The following TCF12 variants were observed in gnomAD, a reference collection of about 807,000 sequenced individuals.
TCF12 encodes the protein transcription factor 12.
A neutral mutation model predicts 86.0 loss-of-function variants in TCF12; 45 were observed. The observed-to-expected ratio is 0.52, with a 90% CI of 0.41 to 0.67. The LOEUF is 0.67. TCF12 is among the 30% of genes least tolerant of loss of function. The pLI is 0.00. For missense variants in TCF12, 881 were observed against 859.9 expected (o/e 1.02, Z -0.31); for synonymous variants, 330 against 299.6 (o/e 1.10, Z -1.05).
intron 3 of TCF12, among the ~76,000 whole-genome samples, chr15:56,934,380 G>A (rs2060377110): frequency 6.6e-6 from 1 of 152,212 alleles, no homozygotes; most frequent in South Asian, 2.1e-4. Context: ...ATACTCCTGA[G>A]TGAGGAGGAG....
chr15:57,028,798 G>A (rs2065972330), intron 3 of TCF12, among the ~76,000 whole-genome samples: 1 of 151,646 alleles, frequency 6.6e-6, no homozygotes, highest in Non-Finnish European at 1.5e-5. Flanking sequence ...TTTATATGTA[G>A]TCCTTTTTTT....
intron 2 of TCF12, 102 bp downstream of exon 2, chr15:56,920,090 C>A: frequency 7.6e-7 from 1 of 1,308,792 alleles, no homozygotes; most frequent in Non-Finnish European, 1.1e-6. Context: ...AACGTGGAGA[C>A]TAGGCAGCGT....
At chr15:57,255,445 CAGA>C (rs1301234336) in intron 16 of TCF12, among the ~76,000 whole-genome samples, 1 of 152,134 alleles carries the variant, frequency 6.6e-6, no homozygotes, top group Non-Finnish European at 1.5e-5. Context: ...AGAACAACAA[CAGA>C]AGGTCTGCCA....
chr15:56,940,744 CCTCCTT>C (rs72073466), intron 3 of TCF12, among the ~76,000 whole-genome samples: 26,367 of 116,696 alleles, frequency 0.23, 3,689 homozygotes, highest in East Asian at 0.41. Context: ...CCCCCCTTCT[CCTCCTT>C]CTCCTTCTCC....
intron 3 of TCF12, among the ~76,000 whole-genome samples, chr15:56,934,539 G>A (rs1349830223): frequency 1.3e-5 from 2 of 152,084 alleles, no homozygotes; most frequent in Non-Finnish European, 2.9e-5. Flanking sequence ...CTGGTTCTTC[G>A]TGATTAGGAC....
intron 3 of TCF12, among the ~76,000 whole-genome samples, chr15:57,059,655 C>A (rs951652293): frequency 6.7e-6 from 1 of 148,292 alleles, no homozygotes; most frequent in Non-Finnish European, 1.5e-5. Context: ...GCCTAAGTCT[C>A]ACCAATTCTT....
intron 5 of TCF12, among the ~76,000 whole-genome samples, chr15:57,108,680 G>T (rs1422729583): frequency 6.6e-6 from 1 of 151,724 alleles, no homozygotes; most frequent in Non-Finnish European, 1.5e-5. Flanking sequence ...GGACATTGTT[G>T]GGGGGTAGGA....
intron 14 of TCF12, 40 bp from the exon 15 acceptor site, chr15:57,252,381 A>T (rs779928342): frequency 6.5e-7 from 1 of 1,541,330 alleles, no homozygotes; most frequent in East Asian, 2.3e-5. Context: ...AGTTAATCTT[A>T]ACCTGTGCTT....
chr15:56,962,252 TAGTA>T (rs1595873628), intron 3 of TCF12, among the ~76,000 whole-genome samples: 1 of 152,208 alleles, frequency 6.6e-6, no homozygotes, highest in African/African-American at 2.4e-5. Flanking sequence ...CTTTACTACT[TAGTA>T]AGGTGTGAAA....
intron 3 of TCF12, among the ~76,000 whole-genome samples, chr15:56,999,064 G>T (rs2063871089): frequency 6.6e-6 from 1 of 152,188 alleles, no homozygotes; most frequent in Admixed American, 6.5e-5. Flanking sequence ...TGGGCGTGGT[G>T]GCGGGCGCCT....
intron 3 of TCF12, among the ~76,000 whole-genome samples, chr15:57,062,852 A>G (rs2068568977): frequency 6.6e-6 from 1 of 152,234 alleles, no homozygotes; most frequent in Non-Finnish European, 1.5e-5. Context: ...GATGAATTTC[A>G]TCATAGAATG....
chr15:57,166,618 A>T, intron 6 of TCF12, 152 bp downstream of exon 6: 1 of 586,386 alleles, frequency 1.7e-6, no homozygotes, highest in Non-Finnish European at 2.7e-6. Context: ...TTTGCTTAAA[A>T]TTGTTTCAGT....
chr15:57,236,721 T>C (rs538052625), intron 12 of TCF12, among the ~76,000 whole-genome samples: 5 of 152,236 alleles, frequency 3.3e-5, no homozygotes, highest in Admixed American at 3.3e-4. Flanking sequence ...TCCTTTATTT[T>C]AGGTTTAAGC....
chr15:57,174,338 C>G (rs1362090412), intron 6 of TCF12, among the ~76,000 whole-genome samples: 1 of 152,014 alleles, frequency 6.6e-6, no homozygotes, highest in African/African-American at 2.4e-5. Flanking sequence ...TCCATAGATA[C>G]AGAAAAGATA....
chr15:57,151,037 G>A (rs1398996736), intron 5 of TCF12, among the ~76,000 whole-genome samples: 1 of 151,344 alleles, frequency 6.6e-6, no homozygotes, highest in Admixed American at 6.6e-5. Flanking sequence ...AGGGTGCAGT[G>A]GAGCGATCAT....
At chr15:57,100,075 T>C (rs1394407711) in intron 5 of TCF12, among the ~76,000 whole-genome samples, 1 of 152,196 alleles carries the variant, frequency 6.6e-6, no homozygotes, top group Non-Finnish European at 1.5e-5. Context: ...TATTGTTTTA[T>C]AGTGGGCCAG....
At position 57,232,978 on chromosome 15, in the gene TCF12, T is replaced by C. The variant is rs544809954; in HGVS notation, c.970+122T>C. The C allele has an allele frequency of 5.1e-5, 29 of 566,176 alleles. No homozygotes were observed. In the African/African-American group the frequency reaches 5.5e-4, roughly 11 times the overall value. 35.1% of individuals were successfully genotyped at this position (566,176 alleles called of 1,614,324 possible). A position where few individuals can be genotyped will look rare whatever the true frequency, so the allele number is the denominator to read the frequency against. On this transcript the variant is annotated intron_variant, in intron 11 of 20. Transcript: ENST00000333725. Reference sequence around the variant, plus strand: ...ATGTTATATATATGTATATATGTTATATATGTATATGTGTGTTATATGTAT... The same window carrying C: ...ATGTTATATATATGTATATATGTTACATATGTATATGTGTGTTATATGTAT...
chr15:57,081,057 C>T (rs2070601280), intron 4 of TCF12, among the ~76,000 whole-genome samples: 2 of 152,170 alleles, frequency 1.3e-5, no homozygotes, highest in Admixed American at 6.5e-5. Context: ...ATGAGAGTCC[C>T]CCAGTCCAAA....
intron 3 of TCF12, among the ~76,000 whole-genome samples, chr15:57,031,277 A>G (rs1278776389): frequency 6.6e-6 from 1 of 152,104 alleles, no homozygotes; most frequent in Non-Finnish European, 1.5e-5. Context: ...TGGAACTTGG[A>G]TAAACATTTT....
Sources: allele counts gnomAD v4.1 joint callset (sites outside exome capture counted in the v4.1 genomes callset), GRCh38; gene constraint gnomAD v4.1.1; transcripts MANE v1.5; gene names NCBI Gene and HGNC (gene_info 2026-07-23, HGNC 2026-07-21).